Variants in ADGRL2 observed in about 807,000 individuals in gnomAD.
ADGRL2 encodes the protein calcium-independent alpha-latrotoxin receptor 2.
Under a neutral mutation model 157.4 loss-of-function variants are expected in ADGRL2, and 44 were observed. The ratio of observed to expected loss-of-function variants is 0.28; its 90% CI spans 0.22 to 0.36. The LOEUF (loss-of-function observed/expected upper bound fraction) is 0.36. ADGRL2 is among the 10% of genes least tolerant of loss of function. The pLI, the probability that ADGRL2 is intolerant of heterozygous loss-of-function variation, is 1.00. For synonymous variants in ADGRL2, 585 were observed against 624.7 expected, an observed-to-expected ratio of 0.94 and a Z score of 0.95; for missense variants, 1,510 against 1,768.9, an observed-to-expected ratio of 0.85 and a Z score of 2.63.
intron 3 of ADGRL2, among the ~76,000 whole-genome samples, chr1:81,675,835 C>A (rs565808223): frequency 2.0e-4 from 30 of 152,222 alleles, no homozygotes; most frequent in African/African-American, 6.0e-4. Context: ...CTGCCTTGGA[C>A]TCTCAAAGTG....
chr1:81,874,384 A>G (rs1237031925), intron 2 of ADGRL2, among the ~76,000 whole-genome samples: 1 of 152,172 alleles, frequency 6.6e-6, no homozygotes, highest in African/African-American at 2.4e-5. Context: ...ATCAAAAGTA[A>G]CAGTCAACAT....
At chr1:81,690,160 G>C (rs1029661617) in intron 3 of ADGRL2, among the ~76,000 whole-genome samples, 4 of 152,112 alleles carry the variant, frequency 2.6e-5, no homozygotes, top group African/African-American at 7.2e-5. Flanking sequence ...ACATCGATTT[G>C]ATCTTCCCAG....
rs1036295471 is a variant in ADGRL2, at chr1:81,432,697, A to G, written c.-301-12339A>G. On this transcript the variant is annotated intron_variant, in intron 1 of 24. Transcript: ENST00000370721. ...TCGGCGCCGCTCCCCTCCCCAGCCC[A>G]TTTTCAGACAGGAGGTCAAGCTGTC... 7.2e-5 allele frequency among the ~76,000 whole-genome samples: 11 copies of G among 151,880 alleles called. No homozygotes were observed. The East Asian group carries it at 2.1e-3, about 30-fold the overall frequency.
chr1:81,799,745 A>G (rs575880469), upstream of ADGRL2, among the ~76,000 whole-genome samples: 3 of 152,324 alleles, frequency 2.0e-5, no homozygotes, highest in South Asian at 6.2e-4. Flanking sequence ...CCTACTTTCT[A>G]GGTTTTAAAT....
chr1:81,574,400 G>T (rs1327732928), intron 2 of ADGRL2, among the ~76,000 whole-genome samples: 5 of 152,020 alleles, frequency 3.3e-5, no homozygotes, highest in African/African-American at 1.2e-4. Context: ...AGTGTAAAAG[G>T]GTCCCAGATT....
intron 2 of ADGRL2, among the ~76,000 whole-genome samples, chr1:81,550,215 A>G (rs1290046377): frequency 6.6e-6 from 1 of 152,210 alleles, no homozygotes; most frequent in Non-Finnish European, 1.5e-5. Context: ...ATAGGATTCA[A>G]AATGATGCCC....
intron 2 of ADGRL2, among the ~76,000 whole-genome samples, chr1:81,575,200 T>C (rs75773095): frequency 6.6e-6 from 1 of 152,172 alleles, no homozygotes. Flanking sequence ...TCTTCCCCCA[T>C]GCCGGTTTAA....
intron 1 of ADGRL2, among the ~76,000 whole-genome samples, chr1:81,337,335 G>A (rs961290965): frequency 7.0e-6 from 1 of 143,334 alleles, no homozygotes; most frequent in African/African-American, 2.5e-5. Context: ...GGGCTCCAGG[G>A]GTTGTGGGTA....
chr1:81,796,790 A>G (rs2087611781), upstream of ADGRL2, among the ~76,000 whole-genome samples: 1 of 152,224 alleles, frequency 6.6e-6, no homozygotes. Context: ...CATTAAACAC[A>G]ATATGCCTTA....
chr1:81,753,643 G>A (rs1278953436), intron 1 of ADGRL2, among the ~76,000 whole-genome samples: 1 of 152,108 alleles, frequency 6.6e-6, no homozygotes, highest in Non-Finnish European at 1.5e-5. Flanking sequence ...CATAATTTCA[G>A]AAATTATGAT....
chr1:81,383,808 CAAAAAA>C (rs56660027), intron 1 of ADGRL2, among the ~76,000 whole-genome samples: 1 of 104,376 alleles, frequency 9.6e-6, no homozygotes, highest in African/African-American at 3.7e-5. Context: ...ACTAAAAATA[CAAAAAA>C]AAAAAAAAAA....
intron 2 of ADGRL2, among the ~76,000 whole-genome samples, chr1:81,445,608 T>C (rs1023080910): frequency 6.6e-5 from 10 of 152,186 alleles, no homozygotes; most frequent in African/African-American, 2.2e-4. Context: ...ATGATCATCA[T>C]TTGCTTTCCT....
intron 2 of ADGRL2, chr1:81,503,539 C>T: frequency 1.3e-6 from 2 of 1,548,918 alleles, no homozygotes; most frequent in Non-Finnish European, 1.8e-6. Context: ...ACAGAATTTA[C>T]CTCATCTCAC....
intron 2 of ADGRL2, among the ~76,000 whole-genome samples, chr1:81,452,722 T>C (rs1364578515): frequency 1.3e-5 from 2 of 152,218 alleles, no homozygotes; most frequent in Non-Finnish European, 2.9e-5. Flanking sequence ...ACTATCCAAG[T>C]TGAATCCTAA....
chr1:81,673,553 C>G (rs545697650), intron 3 of ADGRL2, among the ~76,000 whole-genome samples: 14 of 135,450 alleles, frequency 1.0e-4, no homozygotes, highest in Non-Finnish European at 2.1e-4. Flanking sequence ...CTCACTCTGT[C>G]GCCCAGACTG....
chr1:81,385,399 C>A (rs2076417898), intron 1 of ADGRL2, among the ~76,000 whole-genome samples: 1 of 152,040 alleles, frequency 6.6e-6, no homozygotes, highest in Non-Finnish European at 1.5e-5. Context: ...CATATTACTG[C>A]ATTTGTGAAA....
intron 3 of ADGRL2, among the ~76,000 whole-genome samples, chr1:81,654,454 G>T (rs2082488158): frequency 6.6e-6 from 1 of 151,934 alleles, no homozygotes; most frequent in Non-Finnish European, 1.5e-5. Context: ...GGTCTAATTG[G>T]TCTCCACTCA....
chr1:81,837,553 C>A (rs1432760788), intron 2 of ADGRL2, among the ~76,000 whole-genome samples: 1 of 151,620 alleles, frequency 6.6e-6, no homozygotes, highest in African/African-American at 2.4e-5. Context: ...TATGTATATT[C>A]TTTGTAATGT....
At chr1:81,458,696 A>C (rs1456521236) in intron 2 of ADGRL2, among the ~76,000 whole-genome samples, 1 of 152,162 alleles carries the variant, frequency 6.6e-6, no homozygotes, top group Non-Finnish European at 1.5e-5. Flanking sequence ...TGTTTAGATG[A>C]GGTGGATGTG....
Sources: gnomAD v4.1 joint callset for allele counts (sites outside exome capture counted in the v4.1 genomes callset) on GRCh38, gnomAD v4.1.1 for gene constraint, MANE v1.5 for transcripts, NCBI Gene and HGNC (gene_info 2026-07-23, HGNC 2026-07-21) for gene names.